The following ARAP1 variants were observed in gnomAD, a reference collection of about 807,000 sequenced individuals.
ARAP1 encodes ArfGAP with RhoGAP domain, ankyrin repeat and PH domain 1, also known as arf-GAP with Rho-GAP domain, ANK repeat and PH domain-containing protein 1.
A neutral mutation model predicts 172.2 loss-of-function variants in ARAP1; 76 were observed. The ratio of observed to expected loss-of-function variants is 0.44; its 90% CI spans 0.37 to 0.53. ARAP1 has a LOEUF of 0.53. ARAP1 is among the 20% of genes least tolerant of loss of function. The pLI is 0.00. For synonymous variants in ARAP1, 804 were observed against 803.3 expected (o/e 1.00, Z -0.01); for missense variants, 1,686 against 1,977.5 (o/e 0.85, Z 2.80).
At chr11:72,735,034 G>A (rs372751402) in intron 1 of ARAP1, among the ~76,000 whole-genome samples, 183 of 152,106 alleles carry the variant, frequency 1.2e-3, no homozygotes, top group Middle Eastern at 3.4e-3. Flanking sequence ...AGGCTGGAGT[G>A]CAGTGGCACA....
At chr11:72,747,088 C>A (rs1338767753) in intron 1 of ARAP1, among the ~76,000 whole-genome samples, 1 of 152,178 alleles carries the variant, frequency 6.6e-6, no homozygotes, top group African/African-American at 2.4e-5. Context: ...CTGGCCTGGC[C>A]AGAAGGAGGC....
intron 2 of ARAP1, among the ~76,000 whole-genome samples, chr11:72,727,934 G>A (rs1185821970): frequency 1.3e-5 from 2 of 152,146 alleles, no homozygotes; most frequent in African/African-American, 4.8e-5. Context: ...GACCAAAAGA[G>A]GTGATTAGCA....
intron 14 of ARAP1, 111 bp downstream of exon 14, chr11:72,704,041 C>T: frequency 7.0e-7 from 1 of 1,419,396 alleles, no homozygotes. Flanking sequence ...TCCCCATATG[C>T]CAAGACATCT....
At position 72,701,740 on chromosome 11, in the gene ARAP1, G is replaced by A. The variant is rs766085070; in HGVS notation, c.2211C>T (p.Tyr737=). ...LDSMKPLEKH[Y]SVVLPTVSHS... is the part of the protein sequence containing the mutation. ...GGCTCACGGTCGGCAGGACAACTGAGTAGTGCTTTTCCAGGGGCTTCATCG... is the reference window on the plus strand; with the variant it reads ...GGCTCACGGTCGGCAGGACAACTGAATAGTGCTTTTCCAGGGGCTTCATCG... Residue 737 remains tyrosine (Y), a synonymous_variant, in exon 16 of 35, where the codon TAC becomes TAT. Transcript: ENST00000393609. 1.9e-6 allele frequency: 3 copies of A among 1,614,000 alleles called. No individual in the cohort carries two copies. Among genetic ancestry groups the A allele is most frequent in the South Asian group, 2.2e-5 (2 of 91,084 alleles).
intron 30 of ARAP1, among the ~76,000 whole-genome samples, chr11:72,691,060 C>G (rs1855913086): frequency 6.6e-6 from 1 of 152,204 alleles, no homozygotes. Flanking sequence ...GCTGAGCACC[C>G]CTCCCTGCTG....
Position 72,710,068 on chromosome 11 carries a change from A to C in ARAP1, c.1417-92T>G. Reference sequence around the variant, plus strand: ...AGAGGAAGGGAAGGTGGTGCAACTCAGGGACTGGGGGGGGTGCCCAGGAGG... The same window carrying C: ...AGAGGAAGGGAAGGTGGTGCAACTCCGGGACTGGGGGGGGTGCCCAGGAGG... On this transcript the variant is annotated intron_variant, in intron 10 of 34. Transcript: ENST00000393609. The surrounding 1 kb of genome is among the most constrained non-coding windows in gnomAD (Gnocchi z 4.3). 7.6e-6 allele frequency: 9 copies of C among 1,187,334 alleles called. No homozygotes were observed. The highest frequency in any genetic ancestry group is 1.1e-5 in the Non-Finnish European group (9 of 800,148). The allele number at this position is 1,187,334 out of a possible 1,614,324, so 73.5% of individuals were successfully genotyped here.
Position 72,699,193 on chromosome 11 carries a change from C to T in ARAP1, c.2439-86G>A. 6.7e-7 allele frequency: 1 copy of T among 1,481,762 alleles called. No homozygotes were observed. The highest frequency in any genetic ancestry group is 1.4e-5 in the African/African-American group (1 of 72,370). The allele number at this position is 1,481,762 out of a possible 1,614,324, so 91.8% of individuals were successfully genotyped here. A position where few individuals can be genotyped will look rare whatever the true frequency, so the allele number is the denominator to read the frequency against. On this transcript the variant is annotated intron_variant, in intron 17 of 34. Transcript: ENST00000393609. This position sits in a 1 kb window ranked among gnomAD's most constrained non-coding sequence, Gnocchi z 4.2. ...CGCACCATCAACCGCCATCCTCTGC[C>T]CCCTCCGCACTGCCTTGGCGCTTGT...
At chr11:72,716,389 G>A (rs1166860398) in intron 3 of ARAP1, among the ~76,000 whole-genome samples, 1 of 152,236 alleles carries the variant, frequency 6.6e-6, no homozygotes, top group Non-Finnish European at 1.5e-5. Flanking sequence ...GTGAAGAGCT[G>A]GCCTTCGGCT....
Position 72,710,445 on chromosome 11 carries a change from G to C in ARAP1, c.1356C>G (p.Phe452Leu). 1.2e-6 allele frequency: 2 copies of C among 1,614,060 alleles called. No individual in the cohort carries two copies. The highest frequency in any genetic ancestry group is 1.1e-5 in the South Asian group (1 of 91,084). Residue 452 changes from phenylalanine to leucine, a missense_variant, in exon 10 of 35, where the codon TTC (phenylalanine) becomes TTG (leucine). Around this residue, in one of 5 missense-constraint regions of ARAP1, gnomAD observed 688 missense variants for 856.9 expected, o/e 0.80. Transcript: ENST00000393609. This position sits in a 1 kb window ranked among gnomAD's most constrained non-coding sequence, Gnocchi z 4.3. ...CCACGGCCACGTACAGCTTATTCTTGAAGCCACGAAGCTCCAGGCTGCCAG... is the reference window on the plus strand; with the variant it reads ...CCACGGCCACGTACAGCTTATTCTTCAAGCCACGAAGCTCCAGGCTGCCAG... Reference protein sequence around the residue: ...DRAGSLELRGFKNKLYVAVVG... With the variant: ...DRAGSLELRGLKNKLYVAVVG...
At position 72,713,212 on chromosome 11, in the gene ARAP1, C is replaced by A; in HGVS notation, c.711G>T (p.Glu237Asp). 1 of 1,613,636 alleles carries A rather than the reference C, an allele frequency of 6.2e-7. No individual in the cohort carries two copies. The highest frequency in any genetic ancestry group is 1.1e-5 in the South Asian group (1 of 90,976). The change falls in exon 5 of 35, where the codon GAG becomes GAT. Residue 237 changes from glutamate to aspartate, a missense_variant. Coordinates refer to ENST00000393609, the MANE Select transcript of ARAP1 (RefSeq NM_001040118.3). ...DDSDYDEVPEEGPGAPARVMT... is the reference protein window; with the variant it reads ...DDSDYDEVPEDGPGAPARVMT... ...TCACTCTGGCTGGGGCCCCCGGCCC[C>A]TCCTCTGGGACCTCATCGTAGTCAG...
intron 27 of ARAP1, among the ~76,000 whole-genome samples, chr11:72,694,539 A>C (rs1322447019): frequency 6.6e-6 from 1 of 152,066 alleles, no homozygotes; most frequent in Admixed American, 6.5e-5. Flanking sequence ...CACAGCAGTT[A>C]ATGCATCTGT....
At position 72,699,224 on chromosome 11, in the gene ARAP1, T is replaced by G; in HGVS notation, c.2439-117A>C. On this transcript the variant is annotated intron_variant, in intron 17 of 34. Coordinates refer to ENST00000393609, the MANE Select transcript of ARAP1 (RefSeq NM_001040118.3). This position sits in a 1 kb window ranked among gnomAD's most constrained non-coding sequence, Gnocchi z 4.2. ...CGCACTGCCTTGGCGCTTGTCCTTA[T>G]TCTGGTCCCCTAAGAGGTGGTGGAA... 1 of 1,406,378 alleles carries G rather than the reference T, an allele frequency of 7.1e-7. No homozygotes were observed. The allele number at this position is 1,406,378 out of a possible 1,614,324, so 87.1% of individuals were successfully genotyped here. A position where few individuals can be genotyped will look rare whatever the true frequency, so the allele number is the denominator to read the frequency against.
rs141192526 is a variant in ARAP1, at chr11:72,697,417, G to T, written c.2859C>A (p.Ala953=). ...CCGACAGCGTGTCCCCCATGCTGGC[G>T]GCTGCTTTCTGGATGGCCCCCAGCC... ...MGWLGAIQKA[A]ASMGDTLSEQ... is the part of the protein sequence containing the mutation. Residue 953 remains alanine (A), a synonymous_variant, in exon 21 of 35, where the codon GCC becomes GCA. Coordinates refer to ENST00000393609, the MANE Select transcript of ARAP1 (RefSeq NM_001040118.3). The T allele has an allele frequency of 1.2e-6, 2 of 1,611,776 alleles. No individual in the cohort carries two copies. Among genetic ancestry groups the T allele is most frequent in the Non-Finnish European group, 1.7e-6 (2 of 1,179,512 alleles).
At position 72,744,823 on chromosome 11, in the gene ARAP1, G is replaced by A. The variant is rs115643080; in HGVS notation, c.-128+7505C>T. 9.4e-3 allele frequency among the ~76,000 whole-genome samples: 1,429 copies of A among 152,246 alleles called. 17 individuals are homozygous for A. Among genetic ancestry groups the A allele is most frequent in the African/African-American group, 0.032 (1,347 of 41,514 alleles). On this transcript the variant is annotated intron_variant, in intron 1 of 34. Coordinates refer to ENST00000393609, the MANE Select transcript of ARAP1 (RefSeq NM_001040118.3). ...GGCCACAGGCAGTAGAGGCAAATGA[G>A]TGTCCTGGTTCATGTCCGTGGAACA...
rs767949546 is a variant in ARAP1, at chr11:72,697,465, C to T, written c.2811G>A (p.Glu937=). The part of the protein sequence containing the change: ...ERRRTLYIQG[E]RRLDFMGWLG... ...GCCAACCCATGAAGTCCAGCCGCCGCTCGCCCTGTATGTACAGTGTCCTGG... is the reference window on the plus strand; with the variant it reads ...GCCAACCCATGAAGTCCAGCCGCCGTTCGCCCTGTATGTACAGTGTCCTGG... Residue 937 remains glutamate (E), a synonymous_variant, in exon 21 of 35, where the codon GAG becomes GAA. Coordinates refer to ENST00000393609, the MANE Select transcript of ARAP1 (RefSeq NM_001040118.3). The T allele has an allele frequency of 9.9e-6, 16 of 1,613,566 alleles. No homozygotes were observed. The Middle Eastern group carries it at 1.2e-3, about 116-fold the overall frequency.
rs1325432627 is a variant in ARAP1, at chr11:72,703,087, G to C, written c.1993-8C>G. 6.5e-7 allele frequency: 1 copy of C among 1,546,158 alleles called. No individual in the cohort carries two copies. The highest frequency in any genetic ancestry group is 8.7e-7 in the Non-Finnish European group (1 of 1,148,562). ...GACTGCAGCACACAGGGCCTAGGAA[G>C]AGGCAGGGGAGGGTCAGCCCAAGAA... On this transcript the variant is annotated splice_polypyrimidine_tract_variant and splice_region_variant and intron_variant, in intron 14 of 34. Coordinates refer to ENST00000393609, the MANE Select transcript of ARAP1 (RefSeq NM_001040118.3).
At chr11:72,727,834 C>T (rs1002921890) in intron 2 of ARAP1, among the ~76,000 whole-genome samples, 4 of 152,232 alleles carry the variant, frequency 2.6e-5, no homozygotes, top group African/African-American at 7.2e-5. Flanking sequence ...AATAGCCTGG[C>T]ACTAGGCAAT....
chr11:72,748,297 G>A (rs531784567), intron 1 of ARAP1, among the ~76,000 whole-genome samples: 13 of 152,158 alleles, frequency 8.5e-5, no homozygotes, highest in South Asian at 4.2e-4. Context: ...CAAGGCGGGC[G>A]GATCACGAGG....
intron 5 of ARAP1, 47 bp downstream of exon 5, chr11:72,713,129 A>G (rs374020123): frequency 6.3e-7 from 1 of 1,590,498 alleles, no homozygotes; most frequent in Non-Finnish European, 8.6e-7. Flanking sequence ...GCAGCTGGGC[A>G]CCCCCACAAC....
Sources: gnomAD v4.1 joint callset for allele counts (sites outside exome capture counted in the v4.1 genomes callset) on GRCh38, gnomAD v4.1.1 for gene constraint, gnomAD v4.1.1 regional missense constraint, Gnocchi (gnomAD v3.1) non-coding constraint, MANE v1.5 for transcripts, NCBI Gene and HGNC (gene_info 2026-07-23, HGNC 2026-07-21) for gene names.